The following HTR2B variants were observed in gnomAD, a reference collection of about 807,000 sequenced individuals.
HTR2B encodes 5-HT 2B receptor.
In HTR2B, 31 loss-of-function variants were observed where a neutral mutation model predicts 39.8. The ratio of observed to expected loss-of-function variants is 0.78; its 90% CI spans 0.58 to 1.05. The LOEUF (loss-of-function observed/expected upper bound fraction) is 1.05, where lower values mean the gene tolerates loss of function less well. HTR2B is among the 50% of genes least tolerant of loss of function. HTR2B has a pLI of 0.00. For synonymous variants in HTR2B, 210 were observed against 207.1 expected (o/e 1.01, Z -0.12); for missense variants, 562 against 578.0 (o/e 0.97, Z 0.28).
rs1241794155 is a variant in HTR2B at position 231,122,913 on chromosome 2, T to C, written c.352+500A>G. On this transcript the variant is annotated intron_variant, in intron 2 of 3. Transcript: ENST00000258400. ...AGGAATTGTGTTCAAGTTTATAATA[T>C]ACAAACTATTAAGAGCTATAATAAG... Among the ~76,000 whole-genome samples the C allele has an allele frequency of 5.9e-5, 9 of 152,312 alleles. No individual in the cohort carries two copies. In the East Asian group the frequency reaches 1.3e-3, roughly 23 times the overall value.
intron 2 of HTR2B, among the ~76,000 whole-genome samples, chr2:231,116,429 G>C (rs184686310): frequency 1.4e-3 from 209 of 152,016 alleles, no homozygotes; most frequent in Admixed American, 3.1e-3. Flanking sequence ...TACTCTCTCT[G>C]TAACATCTTT....
At chr2:231,122,088 A>C (rs1329758688) in intron 2 of HTR2B, among the ~76,000 whole-genome samples, 21 of 152,116 alleles carry the variant, frequency 1.4e-4, no homozygotes. Flanking sequence ...TCATGGTTTC[A>C]TGCAGCATTA....
At chr2:231,119,647 G>C (rs1695462694) in intron 2 of HTR2B, among the ~76,000 whole-genome samples, 1 of 152,024 alleles carries the variant, frequency 6.6e-6, no homozygotes, top group Non-Finnish European at 1.5e-5. Flanking sequence ...GAGGCAGGTG[G>C]ATCACCTGAG....
Position 231,109,139 on chromosome 2 carries a change from C to T in HTR2B, c.824G>A (p.Cys275Tyr), listed in dbSNP as rs758816672. The T allele has an allele frequency of 1.2e-6, 2 of 1,614,110 alleles. No individual in the cohort carries two copies. Among genetic ancestry groups the T allele is most frequent in the East Asian group, 4.5e-5 (2 of 44,872 alleles). ...CATTGCCACCTTTTCCGGTGACGAGCAAGGTGTTTCATCCCTTTGGAAAAC... is the reference window on the plus strand; with the variant it reads ...CATTGCCACCTTTTCCGGTGACGAGTAAGGTGTTTCATCCCTTTGGAAAAC... ...STVFQRDETP[C>Y]SSPEKVAMLD... The change falls in exon 4 of 4, where the codon TGC (cysteine) becomes TAC (tyrosine). Residue 275 changes from cysteine to tyrosine, a missense_variant. Physicochemically the swap from Cys to Tyr is radical, Grantham distance 194. Coordinates refer to ENST00000258400, the MANE Select transcript of HTR2B (RefSeq NM_000867.5).
rs371551817 is a variant in HTR2B, at chr2:231,108,602, T to C, written c.1361A>G (p.Gln454Arg). ...SPMRLRSSTIQSSSIILLDTL... is the reference protein window; with the variant it reads ...SPMRLRSSTIRSSSIILLDTL... ...ATCTAGTAGAATGATTGATGAAGAC[T>C]GAATGGTTGAACTTCGGAGCCTCAT... The change falls in exon 4 of 4, where the codon CAG (glutamine) becomes CGG (arginine). Residue 454 changes from glutamine (Q) to arginine (R), a missense_variant. Gln to Arg is a conservative substitution (Grantham distance 43). Transcript: ENST00000258400. The C allele has an allele frequency of 2.5e-6, 4 of 1,614,010 alleles. No homozygotes were observed. The highest frequency in any genetic ancestry group is 3.4e-6 in the Non-Finnish European group (4 of 1,179,910).
intron 3 of HTR2B, among the ~76,000 whole-genome samples, chr2:231,112,916 G>A (rs1359931741): frequency 6.6e-6 from 1 of 152,144 alleles, no homozygotes; most frequent in Non-Finnish European, 1.5e-5. Context: ...TGTAATCCCA[G>A]CACTTTGGGA....
At position 231,108,294 on chromosome 2, in the gene HTR2B, C is replaced by A. The variant is rs1372517688; in HGVS notation, c.*223G>T. On this transcript the variant is annotated 3_prime_UTR_variant, in exon 4 of 4. Coordinates refer to ENST00000258400, the MANE Select transcript of HTR2B (RefSeq NM_000867.5). ...TCATTCGAATACCTTAAAATTTAAC[C>A]AGAGTGCTGGATTGTTTTCATTTGT... is the stretch of plus-strand genomic sequence containing the variant. The A allele has an allele frequency of 2.2e-5, 10 of 450,390 alleles. No individual in the cohort carries two copies. Among genetic ancestry groups the A allele is most frequent in the Non-Finnish European group, 3.5e-5 (9 of 255,032 alleles). The allele number at this position is 450,390 out of a possible 1,614,324, so 27.9% of individuals were successfully genotyped here.
chr2:231,123,037 C>T lies in HTR2B; in HGVS notation c.352+376G>A, dbSNP rs12622066. Reference sequence around the variant, plus strand: ...TCGTTAACCCAGCGCATATCTGTCCCGGAAGTGTCCTAGTTATTGCTTTGA... The same window carrying T: ...TCGTTAACCCAGCGCATATCTGTCCTGGAAGTGTCCTAGTTATTGCTTTGA... On this transcript the variant is annotated intron_variant, in intron 2 of 3. Transcript: ENST00000258400. Among the ~76,000 whole-genome samples, 200 of 152,062 alleles carry T rather than the reference C, an allele frequency of 1.3e-3. 1 individual carries two copies. The East Asian group carries it at 0.037, about 28-fold the overall frequency.
intron 2 of HTR2B, among the ~76,000 whole-genome samples, chr2:231,122,439 TA>T (rs1695578320): frequency 2.0e-5 from 3 of 152,142 alleles, no homozygotes. Flanking sequence ...TTTATCTTCA[TA>T]TAAGTAAATA....
rs1424451234 is a variant in HTR2B at position 231,123,756 on chromosome 2, G to C, written c.9C>G (p.Leu3=). The change falls in exon 2 of 4, where the codon CTC becomes CTG. Residue 3 remains leucine, a synonymous_variant. Transcript: ENST00000258400. MA[L]SYRVSELQST... Reference sequence around the variant, plus strand: ...TTTGAAGTTCAGACACTCTGTAAGAGAGAGCCATTTGCTGTTTTTCTGTGA... The same window carrying C: ...TTTGAAGTTCAGACACTCTGTAAGACAGAGCCATTTGCTGTTTTTCTGTGA... 4.3e-6 allele frequency: 7 copies of C among 1,613,094 alleles called. No individual in the cohort carries two copies. The highest frequency in any genetic ancestry group is 5.9e-6 in the Non-Finnish European group (7 of 1,179,166).
intron 3 of HTR2B, among the ~76,000 whole-genome samples, chr2:231,109,976 T>G (rs1210331165): frequency 6.6e-6 from 1 of 152,046 alleles, no homozygotes; most frequent in Non-Finnish European, 1.5e-5. Flanking sequence ...AAAATTTGAG[T>G]GTGTGTGAAT....
intron 2 of HTR2B, among the ~76,000 whole-genome samples, chr2:231,115,042 C>G (rs1695283232): frequency 6.6e-6 from 1 of 151,978 alleles, no homozygotes; most frequent in Non-Finnish European, 1.5e-5. Flanking sequence ...GCAGGTATAT[C>G]TGACTTTGAC....
intron 2 of HTR2B, among the ~76,000 whole-genome samples, chr2:231,118,235 T>G (rs1695410692): frequency 6.6e-6 from 1 of 152,098 alleles, no homozygotes; most frequent in South Asian, 2.1e-4. Context: ...TCAATAAATG[T>G]TAGTGCTTAT....
chr2:231,108,545 T>C lies in HTR2B; in HGVS notation c.1418A>G (p.Lys473Arg). 6.2e-7 allele frequency: 1 copy of C among 1,613,962 alleles called. No homozygotes were observed. Among genetic ancestry groups the C allele is most frequent in the Middle Eastern group, 1.7e-4 (1 of 6,060 alleles). Residue 473 changes from lysine (K) to arginine (R), a missense_variant, in exon 4 of 4, where the codon AAA (lysine) becomes AGA (arginine). Coordinates refer to ENST00000258400, the MANE Select transcript of HTR2B (RefSeq NM_000867.5). ...TACATAACTAACTTGCTCTTCAGTT[T>C]TGTCACCTTCATTTTCAGTGAGGAG... ...TLLLTENEGD[K>R]TEEQVSYV
intron 3 of HTR2B, among the ~76,000 whole-genome samples, chr2:231,112,500 G>A (rs919263432): frequency 6.6e-6 from 1 of 152,240 alleles, no homozygotes; most frequent in Admixed American, 6.5e-5. Context: ...ATCATTTCAG[G>A]AATATGAAGG....
chr2:231,109,470 A>G, intron 3 of HTR2B, 61 bp from the exon 4 acceptor site: 2 of 1,368,348 alleles, frequency 1.5e-6, no homozygotes, highest in Non-Finnish European at 2.1e-6. Context: ...CTTCGATTAG[A>G]TCCTTTTGGA....
In HTR2B at chr2:231,109,221, CCTT is replaced by C; in HGVS notation, c.739_741del (p.Lys247del). 2 of 1,614,152 alleles carry C rather than the reference CCTT, an allele frequency of 1.2e-6. No individual in the cohort carries two copies. The highest frequency in any genetic ancestry group is 1.7e-6 in the Non-Finnish European group (2 of 1,180,024). The stretch of plus-strand genomic sequence containing the variant: ...GGTGGCTTGTTTTTGACTAAGTAAG[CCTT>C]CTTCTGTAAAGCATGGATAGTGAGA... On this transcript the variant is annotated inframe_deletion, in exon 4 of 4. Coordinates refer to ENST00000258400, the MANE Select transcript of HTR2B (RefSeq NM_000867.5).
chr2:231,108,743 G>C lies in HTR2B; in HGVS notation c.1220C>G (p.Thr407Ser). The C allele has an allele frequency of 1.2e-6, 2 of 1,614,102 alleles. No homozygotes were observed. The highest frequency in any genetic ancestry group is 1.7e-6 in the Non-Finnish European group (2 of 1,179,996). ...GATCTTACTGGAGCGTTTTCTGAGA[G>C]TTTTTACTGACTTTGTGGCCCGGTA... ...CNYRATKSVK[T>S]LRKRSSKIYF... is the part of the protein sequence containing the mutation. The change falls in exon 4 of 4, where the codon ACT (threonine) becomes AGT (serine). Residue 407 changes from threonine (T) to serine (S), a missense_variant. Physicochemically the swap from Thr to Ser is moderately conservative, Grantham distance 58. Transcript: ENST00000258400.
Position 231,112,816 on chromosome 2 carries a change from A to G in HTR2B, c.553+913T>C, listed in dbSNP as rs547962394. On this transcript the variant is annotated intron_variant, in intron 3 of 3. Transcript: ENST00000258400. Reference sequence around the variant, plus strand: ...AAGAAAAAGGATTTCTTTTATACATAATTTCTGAACATCGGTATGTTTTCT... The same window carrying G: ...AAGAAAAAGGATTTCTTTTATACATGATTTCTGAACATCGGTATGTTTTCT... Among the ~76,000 whole-genome samples, 4 of 151,762 alleles carry G rather than the reference A, an allele frequency of 2.6e-5. No homozygotes were observed. The East Asian group carries it at 7.7e-4, about 29-fold the overall frequency.
Sources: gnomAD v4.1 joint callset for allele counts (sites outside exome capture counted in the v4.1 genomes callset) on GRCh38, gnomAD v4.1.1 for gene constraint, MANE v1.5 for transcripts, NCBI Gene and HGNC (gene_info 2026-07-23, HGNC 2026-07-21) for gene names.